The following TRPM2 variants were observed in gnomAD, a reference collection of about 807,000 sequenced individuals.
TRPM2 encodes the protein transient receptor potential cation channel subfamily M member 2.
A neutral mutation model predicts 174.0 loss-of-function variants in TRPM2; 161 were observed. The observed-to-expected ratio is 0.93, with a 90% CI of 0.81 to 1.05. The LOEUF (loss-of-function observed/expected upper bound fraction) is 1.05. Among genes scored for constraint, TRPM2 ranks in the 50% least tolerant of loss-of-function variants. The pLI is 0.00. For missense variants in TRPM2, 2,057 were observed against 2,038.0 expected, an observed-to-expected ratio of 1.01 and a Z score of -0.18; for synonymous variants, 954 against 861.3, an observed-to-expected ratio of 1.11 and a Z score of -1.88.
intron 3 of TRPM2, among the ~76,000 whole-genome samples, chr21:44,364,985 A>T: frequency 6.7e-6 from 1 of 148,304 alleles, no homozygotes; most frequent in African/African-American, 2.5e-5. Flanking sequence ...AGCCTTCTGG[A>T]GGGTTCTGAG....
intron 8 of TRPM2, among the ~76,000 whole-genome samples, 197 bp from the exon 9 acceptor site, chr21:44,382,521 A>C (rs1200214273): frequency 1.3e-5 from 2 of 152,102 alleles, no homozygotes; most frequent in Non-Finnish European, 1.5e-5. Context: ...ACAGACTCTC[A>C]CGAACATGAT....
At chr21:44,415,328 C>G (rs2050243499) in intron 20 of TRPM2, 1 of 152,198 alleles carries the variant, frequency 6.6e-6, no homozygotes. Flanking sequence ...GTGGAGGATC[C>G]TGAGGTGGGA....
chr21:44,358,960 G>A (rs968298366), intron 2 of TRPM2, among the ~76,000 whole-genome samples: 3 of 151,950 alleles, frequency 2.0e-5, no homozygotes, highest in Non-Finnish European at 4.4e-5. Flanking sequence ...AAGGGGACCC[G>A]AGCAGTTTGC....
intron 27 of TRPM2, among the ~76,000 whole-genome samples, chr21:44,428,614 G>C (rs1229052125): frequency 1.4e-5 from 2 of 143,190 alleles, no homozygotes; most frequent in African/African-American, 5.3e-5. Context: ...CTCCCCTTAG[G>C]TCTGGCCCCT....
chr21:44,405,778 G>A (rs2049848721), intron 17 of TRPM2, 127 bp from the exon 18 acceptor site: 1 of 1,156,738 alleles, frequency 8.6e-7, no homozygotes, highest in Non-Finnish European at 1.2e-6. Context: ...TGGGATGCAG[G>A]GCCCACCAGA....
In TRPM2 at chr21:44,438,893, G is replaced by A. The variant is rs964536060; in HGVS notation, c.4168-174G>A. 9 of 555,956 alleles carry A rather than the reference G, an allele frequency of 1.6e-5. No individual in the cohort carries two copies. The highest frequency in any genetic ancestry group is 1.2e-4 in the Admixed American group (4 of 33,280). 34.4% of individuals were successfully genotyped at this position (555,956 alleles called of 1,614,324 possible). The stretch of plus-strand genomic sequence containing the variant: ...CACGGCAGGCCTCACAGATGCTGAC[G>A]TGGACGGCGGGTTCTGGGCAATGTC... On this transcript the variant is annotated intron_variant, in intron 29 of 31. Transcript: ENST00000397928. This position sits in a 1 kb window ranked among gnomAD's most constrained non-coding sequence, Gnocchi z 5.9.
chr21:44,439,233 T>C lies in TRPM2; in HGVS notation c.4269+65T>C. ...CCAGGGCTGCAGGACAAACACAGTG[T>C]GATACTGGGGACCTGCCCCAGCACC... On this transcript the variant is annotated intron_variant, in intron 30 of 31. Coordinates refer to ENST00000397928, the MANE Select transcript of TRPM2 (RefSeq NM_003307.4). This position sits in a 1 kb window ranked among gnomAD's most constrained non-coding sequence, Gnocchi z 5.1. 1 of 1,470,358 alleles carries C rather than the reference T, an allele frequency of 6.8e-7. No individual in the cohort carries two copies. The highest frequency in any genetic ancestry group is 9.5e-7 in the Non-Finnish European group (1 of 1,055,798). 91.1% of individuals were successfully genotyped at this position (1,470,358 alleles called of 1,614,324 possible).
At chr21:44,407,318 G>T (rs1274771457) in intron 19 of TRPM2, among the ~76,000 whole-genome samples, 11 of 149,092 alleles carry the variant, frequency 7.4e-5, no homozygotes, top group Non-Finnish European at 1.5e-5. Context: ...TAGAGATGGG[G>T]GTTTCAGCAT....
intron 21 of TRPM2, 132 bp downstream of exon 21, chr21:44,418,240 C>T: frequency 7.2e-7 from 1 of 1,396,792 alleles, no homozygotes; most frequent in East Asian, 2.4e-5. Flanking sequence ...TGCTGGCCTT[C>T]TGCTGGCCTT....
At chr21:44,436,218 G>A (rs1436519774) in intron 28 of TRPM2, among the ~76,000 whole-genome samples, 1 of 152,214 alleles carries the variant, frequency 6.6e-6, no homozygotes, top group Non-Finnish European at 1.5e-5. Flanking sequence ...CCCTGAGGAA[G>A]CTGCCGGGGG....
intron 24 of TRPM2, chr21:44,425,463 G>A: frequency 2.0e-6 from 1 of 504,926 alleles, no homozygotes; most frequent in Non-Finnish European, 3.4e-6. Context: ...GGTGCCGGCG[G>A]GGACGCTGCC....
chr21:44,418,638 C>A (rs1418703137), intron 22 of TRPM2, 83 bp downstream of exon 22: 1 of 1,546,356 alleles, frequency 6.5e-7, no homozygotes, highest in Non-Finnish European at 8.9e-7. Flanking sequence ...GTACATGTCC[C>A]ACCTGGGGAG....
In TRPM2 at chr21:44,412,958, G is replaced by A. The variant is rs868094878; in HGVS notation, c.2963-933G>A. On this transcript the variant is annotated intron_variant, in intron 19 of 31. Transcript: ENST00000397928. ...ATTGTTGAACAATTTTAAAATTCAA[G>A]ATAAGTATAAGGAAAGAATGTTATT... Among the ~76,000 whole-genome samples, 67 of 152,184 alleles carry A rather than the reference G, an allele frequency of 4.4e-4. 1 individual carries two copies. The highest frequency in any genetic ancestry group is 1.4e-3 in the African/African-American group (60 of 41,524).
Position 44,391,365 on chromosome 21 carries a change from G to C in TRPM2, c.1534G>C (p.Glu512Gln), listed in dbSNP as rs764541327. ...LFLENGVQLK[E>Q]FVTWDTLLYL... The stretch of plus-strand genomic sequence containing the variant: ...CCTGGAGAACGGGGTGCAGCTGAAG[G>C]AGTTTGTCACCTGGGACACCTTGCT... The change falls in exon 11 of 32, where the codon GAG becomes CAG. Residue 512 changes from glutamate (E) to glutamine (Q), a missense_variant. Glu to Gln is a conservative substitution (Grantham distance 29, BLOSUM62 2). Coordinates refer to ENST00000397928, the MANE Select transcript of TRPM2 (RefSeq NM_003307.4). This position sits in a 1 kb window ranked among gnomAD's most constrained non-coding sequence, Gnocchi z 5.0. 1 of 1,614,196 alleles carries C rather than the reference G, an allele frequency of 6.2e-7. No homozygotes were observed. Among genetic ancestry groups the C allele is most frequent in the Non-Finnish European group, 8.5e-7 (1 of 1,180,042 alleles).
At chr21:44,378,527 C>T (rs1240881591) in intron 7 of TRPM2, among the ~76,000 whole-genome samples, 1 of 152,248 alleles carries the variant, frequency 6.6e-6, no homozygotes, top group Admixed American at 6.5e-5. Context: ...CGGCTGCACC[C>T]GCCTCCTTAC....
intron 21 of TRPM2, 71 bp from the exon 22 acceptor site, chr21:44,418,352 G>C (rs934389242): frequency 1.3e-6 from 2 of 1,577,082 alleles, no homozygotes; most frequent in South Asian, 1.1e-5. Flanking sequence ...GGGCCCCCCC[G>C]GTGGGTCAGG....
intron 23 of TRPM2, 57 bp from the exon 24 acceptor site, chr21:44,424,795 T>TC: frequency 8.0e-7 from 1 of 1,246,172 alleles, no homozygotes; most frequent in Non-Finnish European, 1.1e-6. Context: ...GGCAGTGGGG[T>TC]GTGTACCATG....
At chr21:44,358,627 G>C (rs560219827) in intron 2 of TRPM2, among the ~76,000 whole-genome samples, 3 of 152,318 alleles carry the variant, frequency 2.0e-5, no homozygotes, top group African/African-American at 7.2e-5. Flanking sequence ...AGGACAAGAG[G>C]GACAGGAGGT....
In TRPM2 at chr21:44,442,037, C is replaced by A; in HGVS notation, c.*220C>A. On this transcript the variant is annotated 3_prime_UTR_variant, in exon 32 of 32. Transcript: ENST00000397928. The stretch of plus-strand genomic sequence containing the variant: ...CCCGGGAGGAGAGCTCAAGACAGGG[C>A]ACAGGCTACTCAGAGCTGAGGGGCC... The A allele has an allele frequency of 1.6e-6, 1 of 622,842 alleles. No homozygotes were observed. Among genetic ancestry groups the A allele is most frequent in the Non-Finnish European group, 2.4e-6 (1 of 416,050 alleles). 38.6% of individuals were successfully genotyped at this position (622,842 alleles called of 1,614,324 possible).
Sources: allele counts gnomAD v4.1 joint callset (sites outside exome capture counted in the v4.1 genomes callset), GRCh38; gene constraint gnomAD v4.1.1; non-coding constraint Gnocchi (gnomAD v3.1); transcripts MANE v1.5; gene names NCBI Gene and HGNC (gene_info 2026-07-23, HGNC 2026-07-21).